RBFOX1: variants seen among roughly 807,000 people sequenced by gnomAD.
RBFOX1 encodes RNA binding fox-1 homolog 1.
In RBFOX1, 8 loss-of-function variants were observed where a neutral mutation model predicts 57.7. That is an observed-to-expected ratio of 0.14 (90% CI 0.08 to 0.25). The LOEUF (loss-of-function observed/expected upper bound fraction) is 0.25, where lower values mean the gene tolerates loss of function less well. Among genes scored for constraint, RBFOX1 ranks in the 10% least tolerant of loss-of-function variants. RBFOX1 has a pLI of 1.00. For missense variants in RBFOX1, 611 were observed against 548.5 expected (o/e 1.11, Z -1.14); for synonymous variants, 326 against 222.4 (o/e 1.47, Z -4.15).
intron 5 of RBFOX1, among the ~76,000 whole-genome samples, chr16:7,525,984 G>C (rs1221353374): frequency 6.6e-6 from 1 of 152,174 alleles, no homozygotes; most frequent in East Asian, 1.9e-4. Flanking sequence ...GTACTGGTCT[G>C]TAGCCTGTTG....
At chr16:7,395,007 C>T (rs1022263383) in intron 4 of RBFOX1, among the ~76,000 whole-genome samples, 2 of 152,096 alleles carry the variant, frequency 1.3e-5, no homozygotes, top group Admixed American at 6.5e-5. Context: ...ATGTAATGGG[C>T]TGTGGTTGTG....
rs1491166249 is a variant in RBFOX1, at chr16:7,029,241, CGT to C, written c.-15-22815_-15-22814del. Among the ~76,000 whole-genome samples the C allele has an allele frequency of 1.6e-4, 8 of 49,404 alleles. 1 individual carries two copies. Among genetic ancestry groups the C allele is most frequent in the South Asian group, 1.5e-3 (2 of 1,336 alleles). 32.4% of individuals were successfully genotyped at this position (49,404 alleles called of 152,430 possible). A position where few individuals can be genotyped will look rare whatever the true frequency, so the allele number is the denominator to read the frequency against. On this transcript the variant is annotated intron_variant, in intron 3 of 15. Transcript: ENST00000550418. ...ATATACACACATATATATACGTATA[CGT>C]ATATATATACACACATATATATACG...
chr16:5,406,096 C>G (rs1299949609), intron 1 of RBFOX1, among the ~76,000 whole-genome samples: 1 of 152,156 alleles, frequency 6.6e-6, no homozygotes, highest in African/African-American at 2.4e-5. Context: ...TATTTGAAAT[C>G]TGATTATTCT....
intron 4 of RBFOX1, among the ~76,000 whole-genome samples, chr16:7,296,516 A>G (rs1005872176): frequency 1.3e-5 from 2 of 152,162 alleles, no homozygotes; most frequent in African/African-American, 2.4e-5. Flanking sequence ...CATTGGCCCC[A>G]TTTTACAGAT....
intron 4 of RBFOX1, among the ~76,000 whole-genome samples, chr16:7,342,432 C>T (rs564384983): frequency 1.8e-4 from 28 of 152,276 alleles, no homozygotes; most frequent in African/African-American, 6.5e-4. Context: ...ATGGTCACAT[C>T]GACTGCAGAA....
intron 5 of RBFOX1, among the ~76,000 whole-genome samples, chr16:7,572,670 T>C (rs191986956): frequency 3.4e-4 from 51 of 152,088 alleles, no homozygotes; most frequent in African/African-American, 1.2e-3. Context: ...AAACCCTGTC[T>C]CTACTAAAAA....
rs536590821 is a variant in RBFOX1, at chr16:7,571,363, G to A, written c.271-8414G>A. ...ATCCAAAAGGCATGTATCTCTACACGACTATGCATTTTCTCTCCAACAGTC... is the reference window on the plus strand; with the variant it reads ...ATCCAAAAGGCATGTATCTCTACACAACTATGCATTTTCTCTCCAACAGTC... On this transcript the variant is annotated intron_variant, in intron 5 of 15. Coordinates refer to ENST00000550418, the MANE Select transcript of RBFOX1 (RefSeq NM_018723.4). 3.3e-5 allele frequency among the ~76,000 whole-genome samples: 5 copies of A among 152,260 alleles called. No homozygotes were observed. The South Asian group carries it at 6.2e-4, about 19-fold the overall frequency.
At chr16:6,648,735 A>G (rs906660369) in intron 2 of RBFOX1, among the ~76,000 whole-genome samples, 5 of 152,186 alleles carry the variant, frequency 3.3e-5, no homozygotes, top group African/African-American at 9.7e-5. Context: ...CAGAACAGGC[A>G]GAAGCAGACA....
chr16:6,012,823 A>G (rs148448446), intron 4 of RBFOX1, among the ~76,000 whole-genome samples: 2 of 152,166 alleles, frequency 1.3e-5, no homozygotes, highest in Non-Finnish European at 2.9e-5. Context: ...TCAAAATCCC[A>G]TGAGAAAACA....
intron 1 of RBFOX1, among the ~76,000 whole-genome samples, chr16:5,324,629 A>G (rs1027780990): frequency 2.6e-5 from 4 of 152,244 alleles, no homozygotes; most frequent in Admixed American, 6.5e-5. Context: ...ACGCAGCCAT[A>G]CAAAGAACGA....
chr16:7,094,163 C>G (rs774894483), intron 4 of RBFOX1, among the ~76,000 whole-genome samples: 3 of 151,432 alleles, frequency 2.0e-5, no homozygotes, highest in South Asian at 2.1e-4. Context: ...AACCTTCAGA[C>G]AAATACTTGA....
Position 6,657,663 on chromosome 16 carries a change from A to G in RBFOX1, c.-16+3013A>G, listed in dbSNP as rs113852350. 4.9e-4 allele frequency among the ~76,000 whole-genome samples: 74 copies of G among 152,260 alleles called. 1 individual carries two copies. Among genetic ancestry groups the G allele is most frequent in the African/African-American group, 1.7e-3 (72 of 41,552 alleles). On this transcript the variant is annotated intron_variant, in intron 3 of 15. Coordinates refer to ENST00000550418, the MANE Select transcript of RBFOX1 (RefSeq NM_018723.4). Reference sequence around the variant, plus strand: ...CATTTAACCCAAATGCTTCTGGCAAAATCAGTAATTTGATAAAGTGGAATT... The same window carrying G: ...CATTTAACCCAAATGCTTCTGGCAAGATCAGTAATTTGATAAAGTGGAATT...
intron 3 of RBFOX1, among the ~76,000 whole-genome samples, chr16:7,040,669 CTGTGTGTGTACCT>C (rs1371973952): frequency 4.6e-5 from 7 of 152,000 alleles, no homozygotes; most frequent in Admixed American, 1.3e-4. Flanking sequence ...GGATATTTTT[CTGTGTGTGTACCT>C]TGTGTGTGTG....
intron 3 of RBFOX1, among the ~76,000 whole-genome samples, chr16:6,951,458 C>A (rs1232034001): frequency 6.6e-6 from 1 of 152,050 alleles, no homozygotes; most frequent in African/African-American, 2.4e-5. Flanking sequence ...TAATCAGGAG[C>A]TTTTATATAG....
intron 4 of RBFOX1, among the ~76,000 whole-genome samples, chr16:7,480,954 C>G (rs568338069): frequency 6.6e-6 from 1 of 152,234 alleles, no homozygotes; most frequent in South Asian, 2.1e-4. Context: ...TTACTCAATG[C>G]TACTGTCTTT....
At chr16:6,572,285 C>G (rs555010093) in intron 2 of RBFOX1, among the ~76,000 whole-genome samples, 14 of 152,258 alleles carry the variant, frequency 9.2e-5, no homozygotes, top group Middle Eastern at 3.4e-3. Context: ...AGAATAAACC[C>G]ATGACTCTTC....
At chr16:7,553,024 A>T (rs2152563035) in intron 5 of RBFOX1, among the ~76,000 whole-genome samples, 1 of 152,066 alleles carries the variant, frequency 6.6e-6, no homozygotes, top group African/African-American at 2.4e-5. Flanking sequence ...TCCTCTCAGT[A>T]AGCAAGTCAG....
At chr16:6,770,644 G>A (rs1161604531) in intron 3 of RBFOX1, among the ~76,000 whole-genome samples, 1 of 152,054 alleles carries the variant, frequency 6.6e-6, no homozygotes, top group Non-Finnish European at 1.5e-5. Context: ...CTCAGAGGCT[G>A]CAGAGCCTTC....
At chr16:7,531,641 T>A (rs1204638982) in intron 5 of RBFOX1, among the ~76,000 whole-genome samples, 2 of 152,162 alleles carry the variant, frequency 1.3e-5, no homozygotes, top group Non-Finnish European at 2.9e-5. Flanking sequence ...GAAATAGGTG[T>A]GATCATACCA....
Sources: allele counts gnomAD v4.1 joint callset (sites outside exome capture counted in the v4.1 genomes callset), GRCh38; gene constraint gnomAD v4.1.1; transcripts MANE v1.5; gene names NCBI Gene and HGNC (gene_info 2026-07-23, HGNC 2026-07-21).